Variants in COLGALT1 observed in about 807,000 individuals in gnomAD.
COLGALT1 encodes collagen beta(1-O)galactosyltransferase 1.
COLGALT1 carries 43 observed loss-of-function variants against 60.8 expected under a neutral mutation model. The ratio of observed to expected loss-of-function variants is 0.71; its 90% CI spans 0.55 to 0.91. The LOEUF (loss-of-function observed/expected upper bound fraction) is 0.91. Among genes scored for constraint, COLGALT1 ranks in the 40% least tolerant of loss-of-function variants. The pLI, the probability that COLGALT1 is intolerant of heterozygous loss-of-function variation, is 0.00. For missense variants in COLGALT1, 845 were observed against 880.0 expected, an observed-to-expected ratio of 0.96 and a Z score of 0.50; for synonymous variants, 369 against 374.2, an observed-to-expected ratio of 0.99 and a Z score of 0.16.
At chr19:17,577,105 C>G in intron 6 of COLGALT1, 90 bp from the exon 7 acceptor site, 1 of 1,332,438 alleles carries the variant, frequency 7.5e-7, no homozygotes, top group Non-Finnish European at 1.1e-6. Context: ...GCCAGTCTGA[C>G]TGGGAGCCAT....
intron 1 of COLGALT1, among the ~76,000 whole-genome samples, chr19:17,556,207 A>G (rs2076210170): frequency 3.3e-5 from 5 of 152,142 alleles, no homozygotes; most frequent in Admixed American, 2.6e-4. Context: ...GGCCAGACAC[A>G]GCCCTCCCCA....
Position 17,565,281 on chromosome 19 carries a change from G to A in COLGALT1, c.490-2125G>A, listed in dbSNP as rs773874668. On this transcript the variant is annotated intron_variant, in intron 3 of 11. Transcript: ENST00000252599. Reference sequence around the variant, plus strand: ...AGCGATTCTCCTGCGTTAGTCTCCCGAGTAGCTGAAATTACAGGCATGTGT... The same window carrying A: ...AGCGATTCTCCTGCGTTAGTCTCCCAAGTAGCTGAAATTACAGGCATGTGT... Among the ~76,000 whole-genome samples, 44 of 151,852 alleles carry A rather than the reference G, an allele frequency of 2.9e-4. 1 individual carries two copies. The highest frequency in any genetic ancestry group is 8.8e-5 in the Non-Finnish European group (6 of 67,976).
chr19:17,561,991 C>T (rs947266970), intron 3 of COLGALT1, among the ~76,000 whole-genome samples: 11 of 152,170 alleles, frequency 7.2e-5, no homozygotes, highest in Non-Finnish European at 1.3e-4. Flanking sequence ...CTGCCTCAGC[C>T]TCCTGGGTAG....
At chr19:17,576,976 A>C in intron 6 of COLGALT1, 1 of 562,674 alleles carries the variant, frequency 1.8e-6, no homozygotes, top group Non-Finnish European at 3.1e-6. Flanking sequence ...GGCGGGGTGA[A>C]GCTGGGGCCT....
chr19:17,561,654 A>C (rs942204517), intron 3 of COLGALT1, among the ~76,000 whole-genome samples: 1 of 149,682 alleles, frequency 6.7e-6, no homozygotes, highest in Non-Finnish European at 1.5e-5. Context: ...AAAAAAAAAA[A>C]AACAGACTTA....
chr19:17,561,388 G>A (rs1038092201), intron 3 of COLGALT1, among the ~76,000 whole-genome samples: 14 of 151,276 alleles, frequency 9.3e-5, no homozygotes, highest in South Asian at 2.1e-4. Context: ...GCCGTGTCAC[G>A]TCTGTTTTTA....
chr19:17,578,185 G>C, intron 9 of COLGALT1, 96 bp downstream of exon 9: 1 of 1,363,932 alleles, frequency 7.3e-7, no homozygotes. Context: ...CCAAAGCCCC[G>C]GCTAGGCATC....
chr19:17,556,970 T>C (rs921702166), intron 1 of COLGALT1, among the ~76,000 whole-genome samples: 1 of 152,232 alleles, frequency 6.6e-6, no homozygotes, highest in Non-Finnish European at 1.5e-5. Context: ...TTTGGGTTTG[T>C]CTCTGAAGAT....
chr19:17,580,772 G>A lies in COLGALT1; in HGVS notation c.1468G>A (p.Ala490Thr), dbSNP rs777542070. ...AVPRVRNLVE[A>T]DYSYWTLAYV... The stretch of plus-strand genomic sequence containing the variant: ...GCCTCGCGTGAGGAACCTGGTGGAG[G>A]CCGACTATTCCTACTGGACCCTGGC... Residue 490 changes from alanine to threonine, a missense_variant, in exon 11 of 12, where the codon GCC becomes ACC. By Grantham distance (58) the Ala-to-Thr change is moderately conservative. Transcript: ENST00000252599. The A allele has an allele frequency of 1.2e-6, 2 of 1,614,026 alleles. No individual in the cohort carries two copies. Among genetic ancestry groups the A allele is most frequent in the Admixed American group, 3.3e-5 (2 of 59,986 alleles).
At chr19:17,566,804 T>TA (rs969808134) in intron 3 of COLGALT1, among the ~76,000 whole-genome samples, 12 of 151,406 alleles carry the variant, frequency 7.9e-5, no homozygotes, top group Admixed American at 4.6e-4. Flanking sequence ...CTTTAAAAAA[T>TA]AAAAAATGAA....
chr19:17,561,170 A>C (rs1412967889), intron 3 of COLGALT1, among the ~76,000 whole-genome samples: 3 of 151,734 alleles, frequency 2.0e-5, no homozygotes, highest in Non-Finnish European at 4.4e-5. Context: ...GTGCCACTGC[A>C]CTCCAGTCAC....
intron 3 of COLGALT1, among the ~76,000 whole-genome samples, chr19:17,562,766 C>A (rs750715653): frequency 1.3e-5 from 2 of 151,886 alleles, no homozygotes; most frequent in African/African-American, 2.4e-5. Context: ...TGGAGAAAGG[C>A]AGGGGGTTCA....
intron 9 of COLGALT1, 114 bp from the exon 10 acceptor site, chr19:17,579,368 G>A: frequency 1.4e-6 from 2 of 1,389,042 alleles, no homozygotes; most frequent in Non-Finnish European, 2.0e-6. Flanking sequence ...GAGAGGCAGG[G>A]AGATGCACTG....
At chr19:17,565,366 C>T (rs897217833) in intron 3 of COLGALT1, among the ~76,000 whole-genome samples, 2 of 151,958 alleles carry the variant, frequency 1.3e-5, no homozygotes, top group Non-Finnish European at 1.5e-5. Flanking sequence ...GGGGTTTCAC[C>T]GTGTTGCCCA....
chr19:17,568,912 A>G lies in COLGALT1; in HGVS notation c.829+199A>G, dbSNP rs137981117. Among the ~76,000 whole-genome samples, 681 of 152,254 alleles carry G rather than the reference A, an allele frequency of 4.5e-3. 5 individuals are homozygous for G. The highest frequency in any genetic ancestry group is 4.5e-3 in the Non-Finnish European group (307 of 68,020). Reference sequence around the variant, plus strand: ...CTCTCCAGCCCTGGCTTTGCTGGTTAGCTTCATTCCCTAGCTCTTTAAGAT... The same window carrying G: ...CTCTCCAGCCCTGGCTTTGCTGGTTGGCTTCATTCCCTAGCTCTTTAAGAT... On this transcript the variant is annotated intron_variant, in intron 5 of 11. Coordinates refer to ENST00000252599, the MANE Select transcript of COLGALT1 (RefSeq NM_024656.4).
chr19:17,561,534 C>T (rs757664370), intron 3 of COLGALT1, among the ~76,000 whole-genome samples: 1 of 147,074 alleles, frequency 6.8e-6, no homozygotes, highest in Non-Finnish European at 1.5e-5. Flanking sequence ...GGGACATTGT[C>T]TCATGGGGAA....
intron 1 of COLGALT1, chr19:17,556,658 C>T (rs1213929358): frequency 2.2e-6 from 1 of 456,562 alleles, no homozygotes; most frequent in Admixed American, 6.4e-5. Context: ...ACGCAGTAAT[C>T]CTAGCAATTT....
Position 17,572,508 on chromosome 19 carries a change from G to A in COLGALT1, c.855G>A (p.Lys285=). 6.2e-7 allele frequency: 1 copy of A among 1,614,166 alleles called. No homozygotes were observed. Among genetic ancestry groups the A allele is most frequent in the Non-Finnish European group, 8.5e-7 (1 of 1,180,020 alleles). The change falls in exon 6 of 12, where the codon AAG becomes AAA. Residue 285 remains lysine, a synonymous_variant. Coordinates refer to ENST00000252599, the MANE Select transcript of COLGALT1 (RefSeq NM_024656.4). Reference sequence around the variant, plus strand: ...AGGTTCAGATGTATGTGTGCAACAAGGAGGAGTACGGATTCTTGCCAGTGC... The same window carrying A: ...AGGTTCAGATGTATGTGTGCAACAAAGAGGAGTACGGATTCTTGCCAGTGC... ...QAEVQMYVCN[K]EEYGFLPVPL...
At chr19:17,567,305 G>C in intron 3 of COLGALT1, 101 bp from the exon 4 acceptor site, 1 of 1,509,544 alleles carries the variant, frequency 6.6e-7, no homozygotes. Flanking sequence ...TGCTTCCAGA[G>C]GTCTTTGCCA....
Sources: gnomAD v4.1 joint callset for allele counts (sites outside exome capture counted in the v4.1 genomes callset) on GRCh38, gnomAD v4.1.1 for gene constraint, MANE v1.5 for transcripts, NCBI Gene and HGNC (gene_info 2026-07-23, HGNC 2026-07-21) for gene names.